The following LRRC4C variants were observed in gnomAD, a reference collection of about 807,000 sequenced individuals.
LRRC4C encodes leucine-rich repeat-containing protein 4C.
Under a neutral mutation model 33.6 loss-of-function variants are expected in LRRC4C, and 5 were observed. The observed-to-expected ratio is 0.15, with a 90% confidence interval of 0.08 to 0.31. The LOEUF is 0.31. Among genes scored for constraint, LRRC4C ranks in the 10% least tolerant of loss-of-function variants. The pLI, the probability that LRRC4C is intolerant of heterozygous loss-of-function variation, is 1.00. For missense variants in LRRC4C, 560 were observed against 796.7 expected, an observed-to-expected ratio of 0.70 and a Z score of 3.58; for synonymous variants, 329 against 302.0, an observed-to-expected ratio of 1.09 and a Z score of -0.93.
chr11:40,750,241 C>T (rs1489094278), intron 2 of LRRC4C, among the ~76,000 whole-genome samples: 1 of 151,898 alleles, frequency 6.6e-6, no homozygotes, highest in Non-Finnish European at 1.5e-5. Context: ...CAAAAATCCA[C>T]AGGACCAGAT....
At chr11:41,126,744 G>A (rs1942761741) in intron 1 of LRRC4C, among the ~76,000 whole-genome samples, 1 of 151,932 alleles carries the variant, frequency 6.6e-6, no homozygotes, top group African/African-American at 2.4e-5. Context: ...TCTACCAGGT[G>A]AAGAAGCCAG....
chr11:41,111,396 T>C (rs948294169), intron 1 of LRRC4C, among the ~76,000 whole-genome samples: 3 of 152,006 alleles, frequency 2.0e-5, no homozygotes, highest in Admixed American at 2.0e-4. Context: ...ATCAATCTTA[T>C]TTTCTGTGAA....
intron 3 of LRRC4C, among the ~76,000 whole-genome samples, chr11:40,384,878 A>G (rs1190678294): frequency 6.6e-6 from 1 of 152,148 alleles, no homozygotes; most frequent in Non-Finnish European, 1.5e-5. Context: ...CTTTTAATAA[A>G]TTCTGGAAAT....
At chr11:40,798,403 C>T (rs2135248939) in intron 2 of LRRC4C, among the ~76,000 whole-genome samples, 1 of 152,226 alleles carries the variant, frequency 6.6e-6, no homozygotes, top group East Asian at 1.9e-4. Context: ...GGGAAGCTTG[C>T]TGAGAAACAG....
At chr11:40,186,837 GT>G (rs1861440639) in intron 5 of LRRC4C, among the ~76,000 whole-genome samples, 3 of 152,150 alleles carry the variant, frequency 2.0e-5, no homozygotes, top group Non-Finnish European at 2.9e-5. Context: ...GATGGATTTG[GT>G]TTCCCCCTTT....
intron 4 of LRRC4C, among the ~76,000 whole-genome samples, chr11:40,302,411 C>T (rs894494907): frequency 6.6e-6 from 1 of 152,090 alleles, no homozygotes; most frequent in Non-Finnish European, 1.5e-5. Context: ...ATTAAAAAGG[C>T]CACAGGGATT....
At chr11:40,252,270 C>T (rs117702113) in intron 4 of LRRC4C, among the ~76,000 whole-genome samples, 4,600 of 151,922 alleles carry the variant, frequency 0.03, 186 homozygotes, top group Admixed American at 0.12. Flanking sequence ...CACATTTATA[C>T]ACATCTATAA....
chr11:40,297,962 A>C (rs1944593205), intron 4 of LRRC4C, among the ~76,000 whole-genome samples: 1 of 152,156 alleles, frequency 6.6e-6, no homozygotes, highest in Non-Finnish European at 1.5e-5. Context: ...GCTCATGTCT[A>C]TGTCCCCCCC....
chr11:40,174,384 C>G (rs1860297232), intron 5 of LRRC4C, among the ~76,000 whole-genome samples: 1 of 152,066 alleles, frequency 6.6e-6, no homozygotes, highest in African/African-American at 2.4e-5. Flanking sequence ...AAGTAGAAGC[C>G]AAATCCCCAC....
chr11:41,081,930 C>T (rs1011767269), intron 1 of LRRC4C, among the ~76,000 whole-genome samples: 1 of 152,094 alleles, frequency 6.6e-6, no homozygotes, highest in Non-Finnish European at 1.5e-5. Context: ...TGTATTTATA[C>T]CGTACAGTCG....
chr11:40,975,564 G>A (rs866895256), intron 1 of LRRC4C, among the ~76,000 whole-genome samples: 9 of 152,214 alleles, frequency 5.9e-5, no homozygotes, highest in East Asian at 3.9e-4. Context: ...TGCTAAATAC[G>A]TTATCTTGCA....
chr11:40,193,452 T>C (rs914443441), intron 5 of LRRC4C, among the ~76,000 whole-genome samples: 2 of 152,130 alleles, frequency 1.3e-5, no homozygotes, highest in African/African-American at 4.8e-5. Flanking sequence ...ATTCGAAGCT[T>C]ACCAACATCA....
intron 1 of LRRC4C, among the ~76,000 whole-genome samples, chr11:41,159,520 G>A (rs959004622): frequency 1.3e-5 from 2 of 151,978 alleles, no homozygotes; most frequent in South Asian, 2.1e-4. Flanking sequence ...GAAACAATGA[G>A]CAGACAGATT....
At chr11:40,479,897 T>A (rs1953456731) in intron 3 of LRRC4C, among the ~76,000 whole-genome samples, 1 of 152,212 alleles carries the variant, frequency 6.6e-6, no homozygotes, top group African/African-American at 2.4e-5. Flanking sequence ...AAACCTTATT[T>A]TCTGCATTTG....
At chr11:41,041,718 C>T (rs1386303112) in intron 1 of LRRC4C, among the ~76,000 whole-genome samples, 3 of 152,080 alleles carry the variant, frequency 2.0e-5, no homozygotes, top group Non-Finnish European at 1.5e-5. Flanking sequence ...TACACATATA[C>T]TCAAACACAT....
At chr11:41,180,576 T>C (rs1945402183) in intron 1 of LRRC4C, among the ~76,000 whole-genome samples, 2 of 152,192 alleles carry the variant, frequency 1.3e-5, no homozygotes, top group African/African-American at 2.4e-5. Context: ...AATTTAAATG[T>C]GTGTGGGTGT....
intron 2 of LRRC4C, among the ~76,000 whole-genome samples, chr11:40,728,824 A>C (rs1947420065): frequency 6.6e-6 from 1 of 152,070 alleles, no homozygotes; most frequent in Non-Finnish European, 1.5e-5. Context: ...AAAACTTGTC[A>C]TTTTCAGCTA....
chr11:40,748,484 C>T (rs1948535021), intron 2 of LRRC4C, among the ~76,000 whole-genome samples: 1 of 151,874 alleles, frequency 6.6e-6, no homozygotes, highest in African/African-American at 2.4e-5. Context: ...ACTGGTAAAG[C>T]AAACACACAA....
At chr11:40,356,762 A>G (rs1230888817) in intron 3 of LRRC4C, among the ~76,000 whole-genome samples, 3 of 152,314 alleles carry the variant, frequency 2.0e-5, no homozygotes, top group African/African-American at 7.2e-5. Flanking sequence ...ACATTATATC[A>G]TGAAGAAACC....
Sources: allele counts gnomAD v4.1 joint callset (sites outside exome capture counted in the v4.1 genomes callset), GRCh38; gene constraint gnomAD v4.1.1; transcripts MANE v1.5; gene names NCBI Gene and HGNC (gene_info 2026-07-23, HGNC 2026-07-21).